Variants in ARMCX4 observed in about 807,000 individuals in gnomAD.
ARMCX4 encodes armadillo repeat-containing X-linked protein 4.
In ARMCX4, 3 loss-of-function variants were observed where a neutral mutation model predicts 34.7. The ratio of observed to expected loss-of-function variants is 0.09; its 90% confidence interval spans 0.04 to 0.22. The LOEUF is 0.22. Among genes scored for constraint, ARMCX4 ranks in the 10% least tolerant of loss-of-function variants. The probability of loss-of-function intolerance (pLI) is 1.00; values close to 1 mark genes in which losing one functional copy is unlikely to be tolerated. For missense variants in ARMCX4, 1,448 were observed against 1,720.8 expected (o/e 0.84, Z 2.81); for synonymous variants, 513 against 632.8 (o/e 0.81, Z 2.84).
At chrX:101,523,871 A>G (rs1040200807) in intron 11 of ARMCX4, among the ~76,000 whole-genome samples, 3 of 112,033 alleles carry the variant, frequency 2.7e-5, no homozygotes, top group Non-Finnish European at 5.6e-5. Flanking sequence ...GTTGATGTTC[A>G]TACAGTGTAT....
chrX:101,465,378 T>G (rs782401620), intron 4 of ARMCX4, among the ~76,000 whole-genome samples: 1 of 111,790 alleles, frequency 8.9e-6, no homozygotes, highest in South Asian at 3.7e-4. Flanking sequence ...AAAAAGCTGA[T>G]GTAGTTGTAT....
chrX:101,514,142 T>C (rs1356473087), intron 11 of ARMCX4, among the ~76,000 whole-genome samples: 2 of 111,300 alleles, frequency 1.8e-5, no homozygotes, highest in Admixed American at 1.9e-4. Flanking sequence ...GAATCATTGT[T>C]GAGTTTCCTA....
Position 101,439,470 on chromosome X carries a change from T to A in ARMCX4, n.165-4582T>A, listed in dbSNP as rs1387374149. 2.7e-5 allele frequency among the ~76,000 whole-genome samples: 3 copies of A among 111,501 alleles called. No homozygotes were observed. In the South Asian group the frequency reaches 1.1e-3, roughly 42 times the overall value. Reference sequence around the variant, plus strand: ...ATTATGTGTCTTGGAGTTGCTCTTCTTGAGGAGTATCTTTGTGGCGTTCTC... The same window carrying A: ...ATTATGTGTCTTGGAGTTGCTCTTCATGAGGAGTATCTTTGTGGCGTTCTC... On this transcript the variant is annotated intron_variant and non_coding_transcript_variant, in intron 2 of 3. Transcript: ENST00000430461.
Position 101,439,864 on chromosome X carries a change from A to C in ARMCX4, n.165-4188A>C, listed in dbSNP as rs781796379. On this transcript the variant is annotated intron_variant and non_coding_transcript_variant, in intron 2 of 3. Transcript: ENST00000430461. ...AGGACTTCTCTGCATTGGTTATTCT[A>C]GTTAGCCATTCGTCTAATTTTTTTT... 1.3e-3 allele frequency among the ~76,000 whole-genome samples: 140 copies of C among 111,482 alleles called. 1 individual carries two copies. Among genetic ancestry groups the C allele is most frequent in the Non-Finnish European group, 9.4e-4 (50 of 53,088 alleles).
chrX:101,438,784 G>A (rs1472057707), intron 2 of ARMCX4, among the ~76,000 whole-genome samples: 3 of 110,780 alleles, frequency 2.7e-5, no homozygotes, highest in Non-Finnish European at 5.7e-5. Context: ...CAGAGACTAG[G>A]ATTGCAACCC....
At chrX:101,507,466 T>C (rs1234154658) in intron 8 of ARMCX4, among the ~76,000 whole-genome samples, 1 of 111,756 alleles carries the variant, frequency 8.9e-6, no homozygotes, top group Non-Finnish European at 1.9e-5. Flanking sequence ...CTAGAGTTCA[T>C]GGATCCTTCT....
rs1162369465 is a variant in ARMCX4 at position 101,489,882 on chromosome X, G to T, written c.1293G>T (p.Gly431=). 8.6e-7 allele frequency: 1 copy of T among 1,156,164 alleles called. No homozygotes were observed. The highest frequency in any genetic ancestry group is 1.1e-6 in the Non-Finnish European group (1 of 873,041). The change falls in exon 6 of 6, where the codon GGG becomes GGT. Residue 431 remains glycine (G), a synonymous_variant. Coordinates refer to ENST00000423738, the MANE Select transcript of ARMCX4 (RefSeq NM_001256155.3). ...ATCCCAATGCCATGACTAAAGCAGG[G>T]GCCAAGGCAAACTTGAGGGCCAATT... ...RGNPNAMTKA[G]AKANLRANSQ... is the part of the protein sequence containing the mutation.
intron 4 of ARMCX4, among the ~76,000 whole-genome samples, chrX:101,479,492 T>A: frequency 9.2e-6 from 1 of 108,826 alleles, no homozygotes; most frequent in Non-Finnish European, 1.9e-5. Flanking sequence ...TCCTTTTTTT[T>A]TTTTTTGAGA....
chrX:101,482,889 G>A (rs1556005684), upstream of ARMCX4, among the ~76,000 whole-genome samples: 1 of 89,622 alleles, frequency 1.1e-5, no homozygotes, highest in Non-Finnish European at 2.1e-5. Context: ...GTTGCGTCAG[G>A]CTTTTTTTTT....
chrX:101,440,662 C>G lies in ARMCX4; in HGVS notation n.165-3390C>G, dbSNP rs191793955. ...TGGCCGCTTTGTTTACCTACTCAAG[C>G]CTCAGCAATGGCAGGCGCCCCTCCC... On this transcript the variant is annotated intron_variant and non_coding_transcript_variant, in intron 2 of 3. Transcript: ENST00000430461. Among the ~76,000 whole-genome samples, 519 of 111,738 alleles carry G rather than the reference C, an allele frequency of 4.6e-3. 1 individual carries two copies. The highest frequency in any genetic ancestry group is 0.016 in the African/African-American group (495 of 30,796).
intron 2 of ARMCX4, among the ~76,000 whole-genome samples, chrX:101,426,784 G>T (rs1421518207): frequency 8.9e-6 from 1 of 111,803 alleles, no homozygotes; most frequent in Non-Finnish European, 1.9e-5. Flanking sequence ...TAAGGACAAA[G>T]AGCTAGCTAG....
At chrX:101,530,330 T>G (rs1556021829) in intron 11 of ARMCX4, among the ~76,000 whole-genome samples, 1 of 110,917 alleles carries the variant, frequency 9.0e-6, no homozygotes, top group Non-Finnish European at 1.9e-5. Flanking sequence ...ACCGGAGCCT[T>G]CCGTGGGGTT....
intron 11 of ARMCX4, among the ~76,000 whole-genome samples, chrX:101,512,692 G>A (rs1934605549): frequency 9.2e-6 from 1 of 108,542 alleles, no homozygotes; most frequent in Admixed American, 1.0e-4. Flanking sequence ...AAATGCATAT[G>A]TTGTATTCTG....
rs113435629 is a variant in ARMCX4, at chrX:101,427,518, C to T, written n.164+8518C>T. Among the ~76,000 whole-genome samples, 1,027 of 111,001 alleles carry T rather than the reference C, an allele frequency of 9.3e-3. 7 individuals are homozygous for T. Among genetic ancestry groups the T allele is most frequent in the African/African-American group, 0.031 (953 of 30,481 alleles). ...TCAGCCTCCCACGTAGCTGGGACTA[C>T]AGGTGCACGCCACTGTGTCTGGCTA... On this transcript the variant is annotated intron_variant and non_coding_transcript_variant, in intron 2 of 3. Coordinates refer to the ARMCX4 transcript ENST00000430461.
At chrX:101,535,971 A>C, downstream of ARMCX4, among the ~76,000 whole-genome samples, 1 of 111,217 alleles carries the variant, frequency 9.0e-6, no homozygotes, top group Non-Finnish European at 1.9e-5. Flanking sequence ...GTTAATAAAA[A>C]CTCACTGAAA....
At position 101,492,905 on chromosome X, in the gene ARMCX4, T is replaced by G. The variant is rs149896800; in HGVS notation, c.4316T>G (p.Val1439Gly). Residue 1439 changes from valine to glycine, a missense_variant, in exon 6 of 6, where the codon GTT (valine) becomes GGT (glycine). Transcript: ENST00000423738. ...SGDQISGGFLVGIVDQANGGS... is the reference protein window; with the variant it reads ...SGDQISGGFLGGIVDQANGGS... ...GACCAAATCAGTGGAGGATTCTTAG[T>G]TGGGATTGTGGACCAGGCCAATGGA... is the stretch of plus-strand genomic sequence containing the variant. The G allele has an allele frequency of 3.0e-5, 34 of 1,150,562 alleles. No homozygotes were observed. In the East Asian group the frequency reaches 1.1e-3, roughly 36 times the overall value. 94.8% of individuals were successfully genotyped at this position (1,150,562 alleles called of 1,213,427 possible). A position where few individuals can be genotyped will look rare whatever the true frequency, so the allele number is the denominator to read the frequency against.
upstream of ARMCX4, among the ~76,000 whole-genome samples, chrX:101,482,148 C>T (rs187851479): frequency 5.4e-5 from 6 of 110,772 alleles, 1 homozygote; most frequent in East Asian, 8.5e-4. Flanking sequence ...GCATGAGAAT[C>T]GCTTGAACCC....
chrX:101,485,437 A>C (rs1933652400), upstream of ARMCX4: 2 of 599,831 alleles, frequency 3.3e-6, no homozygotes, highest in South Asian at 1.7e-4. Flanking sequence ...AGAGCTACGC[A>C]GCCTTCGTTG....
intron 4 of ARMCX4, among the ~76,000 whole-genome samples, chrX:101,457,795 T>A (rs1280134333): frequency 1.8e-5 from 2 of 110,269 alleles, no homozygotes; most frequent in African/African-American, 6.6e-5. Context: ...CAGGCTGAAG[T>A]GCAGTGGCAC....
Sources: allele counts gnomAD v4.1 joint callset (sites outside exome capture counted in the v4.1 genomes callset), GRCh38; gene constraint gnomAD v4.1.1; transcripts MANE v1.5; gene names NCBI Gene and HGNC (gene_info 2026-07-23, HGNC 2026-07-21).